HPCAL4: variants seen among roughly 807,000 people sequenced by gnomAD.
HPCAL4 encodes the protein hippocalcin-like protein 4.
HPCAL4 carries 16 observed loss-of-function variants against 18.2 expected under a neutral mutation model. That is an observed-to-expected ratio of 0.88 (90% CI 0.59 to 1.33). The LOEUF (loss-of-function observed/expected upper bound fraction) is 1.33, where lower values mean the gene tolerates loss of function less well. Ranked by LOEUF, HPCAL4 falls within the 40% of genes most tolerant of loss-of-function variation. The probability of loss-of-function intolerance (pLI) is 0.00; values close to 1 mark genes in which losing one functional copy is unlikely to be tolerated. For missense variants in HPCAL4, 214 were observed against 256.6 expected (o/e 0.83, Z 1.14); for synonymous variants, 80 against 97.5 (o/e 0.82, Z 1.06).
At position 39,686,577 on chromosome 1, in the gene HPCAL4, G is replaced by C. The variant is rs536982930; in HGVS notation, c.-8-1966C>G. On this transcript the variant is annotated intron_variant, in intron 1 of 3. Transcript: ENST00000372844. Reference sequence around the variant, plus strand: ...GAGTAAGAGGAACAGAGGAGTTGAGGCAGAGGCTCAGATTTGAGCCTCAGT... The same window carrying C: ...GAGTAAGAGGAACAGAGGAGTTGAGCCAGAGGCTCAGATTTGAGCCTCAGT... Among the ~76,000 whole-genome samples the C allele has an allele frequency of 2.6e-5, 4 of 152,282 alleles. No homozygotes were observed. In the East Asian group the frequency reaches 7.7e-4, roughly 29 times the overall value.
rs1646601559 is a variant in HPCAL4, at chr1:39,679,457, T to A, written c.*3079A>T. 1 of 152,228 alleles carries A rather than the reference T, an allele frequency of 6.6e-6. No homozygotes were observed. The allele number at this position is 152,228 out of a possible 1,614,324, so 9.4% of individuals were successfully genotyped here. ...TCATCAATTAGCCCAAAAGGATGAA[T>A]GAGGGTAGAGTATGTGAGAAGGCAG... On this transcript the variant is annotated 3_prime_UTR_variant, in exon 4 of 4. Transcript: ENST00000372844.
chr1:39,684,116 G>A lies in HPCAL4; in HGVS notation c.199C>T (p.His67Tyr), dbSNP rs577246486. ...TTCTTGTCGAAGGTGCGGAAAGCGT[G>A]CTGCGCGAACTTGGAGGCGTCGCCG... is the stretch of plus-strand genomic sequence containing the variant. The part of the protein sequence containing the change: ...PYGDASKFAQ[H>Y]AFRTFDKNGD... The change falls in exon 3 of 4, where the codon CAC becomes TAC. Residue 67 changes from histidine (H) to tyrosine (Y), a missense_variant. Transcript: ENST00000372844. 38 of 1,613,742 alleles carry A rather than the reference G, an allele frequency of 2.4e-5. No individual in the cohort carries two copies. The Admixed American group carries it at 4.3e-4, about 18-fold the overall frequency.
Position 39,689,325 on chromosome 1 carries a change from G to A in HPCAL4, c.-9+1981C>T, listed in dbSNP as rs115474223. On this transcript the variant is annotated intron_variant, in intron 1 of 3. Coordinates refer to ENST00000372844, the MANE Select transcript of HPCAL4 (RefSeq NM_016257.4). The stretch of plus-strand genomic sequence containing the variant: ...CACAGAACTGCTCTGTGGAGACGCA[G>A]TGGCAATGCCTAGGACACAGTGATG... Among the ~76,000 whole-genome samples the A allele has an allele frequency of 3.8e-3, 572 of 152,108 alleles. 9 individuals carry two copies. The highest frequency in any genetic ancestry group is 0.013 in the African/African-American group (531 of 41,496).
chr1:39,683,847 A>T, intron 3 of HPCAL4, 90 bp downstream of exon 3: 1 of 1,150,974 alleles, frequency 8.7e-7, no homozygotes, highest in East Asian at 2.4e-5. Context: ...AGCAGCAGGG[A>T]GGCCCCGAAG....
Position 39,683,163 on chromosome 1 carries a change from C to T in HPCAL4, c.379-430G>A, listed in dbSNP as rs1037294411. Among the ~76,000 whole-genome samples the T allele has an allele frequency of 1.3e-4, 20 of 152,320 alleles. No homozygotes were observed. In the South Asian group the frequency reaches 1.5e-3, roughly 11 times the overall value. On this transcript the variant is annotated intron_variant, in intron 3 of 3. Coordinates refer to ENST00000372844, the MANE Select transcript of HPCAL4 (RefSeq NM_016257.4). ...CCTCCCAAAGTGCTAGGATTACAGG[C>T]GTGAGCCACCACGCCCAGCCCTCAA...
chr1:39,683,034 C>T (rs1287764349), intron 3 of HPCAL4, among the ~76,000 whole-genome samples: 1 of 152,106 alleles, frequency 6.6e-6, no homozygotes, highest in Admixed American at 6.5e-5. Context: ...CAGGCATGCA[C>T]CAACACGTCC....
chr1:39,679,565 G>A lies in HPCAL4; in HGVS notation c.*2971C>T, dbSNP rs1235317221. 1 of 152,224 alleles carries A rather than the reference G, an allele frequency of 6.6e-6. No individual in the cohort carries two copies. The highest frequency in any genetic ancestry group is 1.5e-5 in the Non-Finnish European group (1 of 68,030). 9.4% of individuals were successfully genotyped at this position (152,224 alleles called of 1,614,324 possible). A position where few individuals can be genotyped will look rare whatever the true frequency, so the allele number is the denominator to read the frequency against. On this transcript the variant is annotated 3_prime_UTR_variant, in exon 4 of 4. Coordinates refer to ENST00000372844, the MANE Select transcript of HPCAL4 (RefSeq NM_016257.4). ...GTTTGAATATATCAATGTTTTGATT[G>A]TCTGTATATTTTTGTGTCTGTGCAA...
rs114813358 is a variant in HPCAL4 at position 39,682,254 on chromosome 1, C to T, written c.*282G>A. The T allele has an allele frequency of 5.7e-3, 2,489 of 436,678 alleles. 40 individuals carry two copies. The highest frequency in any genetic ancestry group is 0.039 in the African/African-American group (1,980 of 50,532). The allele number at this position is 436,678 out of a possible 1,614,324, so 27.1% of individuals were successfully genotyped here. ...CAGGCCCCCAACTCCTTAACCTCAC[C>T]TCCTGGGGCAAAAGCCAACTCCCCT... On this transcript the variant is annotated 3_prime_UTR_variant, in exon 4 of 4. Transcript: ENST00000372844.
At chr1:39,689,642 G>A (rs1203844159) in intron 1 of HPCAL4, among the ~76,000 whole-genome samples, 3 of 152,224 alleles carry the variant, frequency 2.0e-5, no homozygotes, top group Non-Finnish European at 2.9e-5. Context: ...CTCCAGCTAT[G>A]AAGGAGCTGG....
At position 39,684,159 on chromosome 1, in the gene HPCAL4, G is replaced by C. The variant is rs377003869; in HGVS notation, c.163-7C>G. On this transcript the variant is annotated splice_region_variant and splice_polypyrimidine_tract_variant and intron_variant, in intron 2 of 3. Transcript: ENST00000372844. ...CGTCGCCGTAGGGGAAGAACTGAGGGGGGTGCGGTGGGTTGGGGCGCAGCG... is the reference window on the plus strand; with the variant it reads ...CGTCGCCGTAGGGGAAGAACTGAGGCGGGTGCGGTGGGTTGGGGCGCAGCG... 5.6e-6 allele frequency: 9 copies of C among 1,607,494 alleles called. No homozygotes were observed. In the East Asian group the frequency reaches 6.7e-5, roughly 12 times the overall value.
Position 39,681,541 on chromosome 1 carries a change from G to C in HPCAL4, c.*995C>G, listed in dbSNP as rs1646626305. ...AAGAGCTGAAGCAGCAAAAACTGCTGAGAGTGGCAGCTCAGGACTTAGTCT... is the reference window on the plus strand; with the variant it reads ...AAGAGCTGAAGCAGCAAAAACTGCTCAGAGTGGCAGCTCAGGACTTAGTCT... On this transcript the variant is annotated 3_prime_UTR_variant, in exon 4 of 4. Coordinates refer to ENST00000372844, the MANE Select transcript of HPCAL4 (RefSeq NM_016257.4). 1 of 152,228 alleles carries C rather than the reference G, an allele frequency of 6.6e-6. No homozygotes were observed. Among genetic ancestry groups the C allele is most frequent in the East Asian group, 1.9e-4 (1 of 5,198 alleles). 9.4% of individuals were successfully genotyped at this position (152,228 alleles called of 1,614,324 possible). A position where few individuals can be genotyped will look rare whatever the true frequency, so the allele number is the denominator to read the frequency against.
In HPCAL4 at chr1:39,681,973, A is replaced by G. The variant is rs1321334367; in HGVS notation, c.*563T>C. On this transcript the variant is annotated 3_prime_UTR_variant, in exon 4 of 4. Coordinates refer to ENST00000372844, the MANE Select transcript of HPCAL4 (RefSeq NM_016257.4). ...CCTATGAGCTTCCAGAGGGCACAAG[A>G]TGTGTCTTGTAAATGACCATATCCT... is the stretch of plus-strand genomic sequence containing the variant. 1 of 154,568 alleles carries G rather than the reference A, an allele frequency of 6.5e-6. No homozygotes were observed. The highest frequency in any genetic ancestry group is 1.4e-5 in the Non-Finnish European group (1 of 69,432). The allele number at this position is 154,568 out of a possible 1,614,324, so 9.6% of individuals were successfully genotyped here. A position where few individuals can be genotyped will look rare whatever the true frequency, so the allele number is the denominator to read the frequency against.
chr1:39,678,911 C>G lies in HPCAL4; in HGVS notation c.*3625G>C, dbSNP rs1646597022. On this transcript the variant is annotated 3_prime_UTR_variant, in exon 4 of 4. Transcript: ENST00000372844. Reference sequence around the variant, plus strand: ...GCTATACACCCTGGCAGGCCCAGTCCTGCCCCCACACTCTGGCAAAGGTAA... The same window carrying G: ...GCTATACACCCTGGCAGGCCCAGTCGTGCCCCCACACTCTGGCAAAGGTAA... 1 of 152,222 alleles carries G rather than the reference C, an allele frequency of 6.6e-6. No individual in the cohort carries two copies. The highest frequency in any genetic ancestry group is 6.5e-5 in the Admixed American group (1 of 15,292). 9.4% of individuals were successfully genotyped at this position (152,222 alleles called of 1,614,324 possible).
chr1:39,684,327 AC>A, intron 2 of HPCAL4, 114 bp downstream of exon 2: 1 of 1,076,174 alleles, frequency 9.3e-7, no homozygotes, highest in Non-Finnish European at 1.2e-6. Context: ...CTCCCCTCCC[AC>A]CCCGGGTGCC....
At position 39,682,581 on chromosome 1, in the gene HPCAL4, A is replaced by T. The variant is rs758204280; in HGVS notation, c.531T>A (p.Ser177Arg). The T allele has an allele frequency of 6.2e-7, 1 of 1,614,176 alleles. No individual in the cohort carries two copies. The highest frequency in any genetic ancestry group is 8.5e-7 in the Non-Finnish European group (1 of 1,180,028). Residue 177 changes from serine (S) to arginine (R), a missense_variant, in exon 4 of 4, where the codon AGT becomes AGA. Physicochemically the swap from Ser to Arg is moderately radical, Grantham distance 110. Coordinates refer to ENST00000372844, the MANE Select transcript of HPCAL4 (RefSeq NM_016257.4). ...GCAGCAGCAACACAATGGATGGGTC[A>T]CTCTTGGCTGCCTCCTTGAACTCCT... ...TLEEFKEAAK[S>R]DPSIVLLLQC... is the part of the protein sequence containing the mutation.
chr1:39,684,333 G>A lies in HPCAL4; in HGVS notation c.162+109C>T. On this transcript the variant is annotated intron_variant, in intron 2 of 3. Transcript: ENST00000372844. Reference sequence around the variant, plus strand: ...GTGCCTCGCCTCCCCTCCCACCCCGGGTGCCTCGCCTCTTCTCATCCCAGG... The same window carrying A: ...GTGCCTCGCCTCCCCTCCCACCCCGAGTGCCTCGCCTCTTCTCATCCCAGG... 4 of 1,303,688 alleles carry A rather than the reference G, an allele frequency of 3.1e-6. 1 individual carries two copies. In the African/African-American group the frequency reaches 4.5e-5, roughly 15 times the overall value. The allele number at this position is 1,303,688 out of a possible 1,614,324, so 80.8% of individuals were successfully genotyped here. A position where few individuals can be genotyped will look rare whatever the true frequency, so the allele number is the denominator to read the frequency against.
chr1:39,684,202 GC>G, intron 2 of HPCAL4, 50 bp from the exon 3 acceptor site: 1 of 1,292,596 alleles, frequency 7.7e-7, no homozygotes, highest in Admixed American at 2.5e-5. Flanking sequence ...CGCCCACCCC[GC>G]CCCCATCTCA....
In HPCAL4 at chr1:39,684,629, T is replaced by C; in HGVS notation, c.-8-18A>G. 6.4e-7 allele frequency: 1 copy of C among 1,552,244 alleles called. No individual in the cohort carries two copies. The highest frequency in any genetic ancestry group is 8.7e-7 in the Non-Finnish European group (1 of 1,150,910). Reference sequence around the variant, plus strand: ...GGCGGGGCCTGTGGGACAGAGGGATTCCTCCGACTGGGTCCAGGGAAAGGC... The same window carrying C: ...GGCGGGGCCTGTGGGACAGAGGGATCCCTCCGACTGGGTCCAGGGAAAGGC... On this transcript the variant is annotated intron_variant, in intron 1 of 3. Coordinates refer to ENST00000372844, the MANE Select transcript of HPCAL4 (RefSeq NM_016257.4).
At chr1:39,689,660 C>T (rs528636456) in intron 1 of HPCAL4, among the ~76,000 whole-genome samples, 1 of 152,296 alleles carries the variant, frequency 6.6e-6, no homozygotes, top group South Asian at 2.1e-4. Flanking sequence ...TGGGACTGTC[C>T]CATACACAAA....
Sources: gnomAD v4.1 joint callset for allele counts (sites outside exome capture counted in the v4.1 genomes callset) on GRCh38, gnomAD v4.1.1 for gene constraint, MANE v1.5 for transcripts, NCBI Gene and HGNC (gene_info 2026-07-23, HGNC 2026-07-21) for gene names.